Variants in CALN1 observed in about 807,000 individuals in gnomAD.
CALN1 encodes the protein calneuron 1.
A neutral mutation model predicts 30.6 loss-of-function variants in CALN1; 17 were observed. The observed-to-expected ratio is 0.56, with a 90% confidence interval of 0.38 to 0.83. The LOEUF is 0.83. Among genes scored for constraint, CALN1 ranks in the 40% least tolerant of loss-of-function variants. The pLI is 0.00. For synonymous variants in CALN1, 156 were observed against 131.4 expected, an observed-to-expected ratio of 1.19 and a Z score of -1.28; for missense variants, 291 against 354.9, an observed-to-expected ratio of 0.82 and a Z score of 1.45.
chr7:72,073,672 CTCCCT>C (rs1278740522), intron 4 of CALN1, among the ~76,000 whole-genome samples: 2 of 151,044 alleles, frequency 1.3e-5, no homozygotes, highest in Non-Finnish European at 2.9e-5. Context: ...CTCCCCTCCC[CTCCCT>C]TCTCCTCTCC....
intron 2 of CALN1, among the ~76,000 whole-genome samples, chr7:72,299,159 TG>T (rs1303796614): frequency 6.6e-6 from 1 of 152,150 alleles, no homozygotes; most frequent in Non-Finnish European, 1.5e-5. Context: ...AAGGCGGCAG[TG>T]TCATTCTCTA....
At chr7:72,339,999 T>TC (rs1166572339) in intron 2 of CALN1, among the ~76,000 whole-genome samples, 1 of 151,872 alleles carries the variant, frequency 6.6e-6, no homozygotes, top group Non-Finnish European at 1.5e-5. Flanking sequence ...CATCTTAGTG[T>TC]CCTTCAGTTG....
intron 3 of CALN1, among the ~76,000 whole-genome samples, chr7:72,257,115 A>T (rs992173016): frequency 6.6e-6 from 1 of 152,226 alleles, no homozygotes; most frequent in Non-Finnish European, 1.5e-5. Flanking sequence ...GGCACATCTT[A>T]CATGGCGGCA....
chr7:72,430,517 C>T (rs1807940428), intron 1 of CALN1, among the ~76,000 whole-genome samples: 1 of 152,042 alleles, frequency 6.6e-6, no homozygotes, highest in African/African-American at 2.4e-5. Context: ...CTACCAGGGT[C>T]AACACTTGGG....
chr7:72,168,483 C>G (rs1448126993), intron 3 of CALN1, among the ~76,000 whole-genome samples: 1 of 152,114 alleles, frequency 6.6e-6, no homozygotes, highest in Non-Finnish European at 1.5e-5. Context: ...AAATGTGGAT[C>G]TTTTAAAATG....
At chr7:72,014,552 T>C (rs1800272129) in intron 5 of CALN1, among the ~76,000 whole-genome samples, 2 of 152,382 alleles carry the variant, frequency 1.3e-5, no homozygotes, top group South Asian at 4.1e-4. Context: ...ATCAGTTGTC[T>C]ATTGCTCTTT....
chr7:72,475,054 A>G, the CALN1 span, among the ~76,000 whole-genome samples: 7 of 152,188 alleles, frequency 4.6e-5, no homozygotes, highest in Admixed American at 2.0e-4. Context: ...ATTCTTCCCA[A>G]TGACTGGGTT....
chr7:71,991,795 G>A (rs1440181931), intron 5 of CALN1, among the ~76,000 whole-genome samples: 1 of 152,232 alleles, frequency 6.6e-6, no homozygotes, highest in Non-Finnish European at 1.5e-5. Flanking sequence ...ATGGCCAGAA[G>A]CCACTCACTT....
At chr7:72,416,734 C>CAAAAAAAAAAAAAAA (rs4029798), upstream of CALN1, among the ~76,000 whole-genome samples, 1 of 77,690 alleles carries the variant, frequency 1.3e-5, no homozygotes, top group Non-Finnish European at 2.2e-5. Context: ...GACTCTGTCT[C>CAAAAAAAAAAAAAAA]AAAAAAAAAA....
intron 2 of CALN1, among the ~76,000 whole-genome samples, chr7:72,387,141 A>G (rs1475711186): frequency 6.8e-6 from 1 of 148,072 alleles, no homozygotes; most frequent in African/African-American, 2.5e-5. Flanking sequence ...AAAGTATAAA[A>G]TAAGTATCCA....
chr7:72,103,565 C>T (rs1419886979), intron 4 of CALN1, among the ~76,000 whole-genome samples: 2 of 152,088 alleles, frequency 1.3e-5, no homozygotes, highest in African/African-American at 4.8e-5. Context: ...GAGATGTTAA[C>T]CAACTTGGGA....
In CALN1 at chr7:72,386,537, T is replaced by C. The variant is rs913171992; in HGVS notation, c.119+16714A>G. 6.6e-5 allele frequency among the ~76,000 whole-genome samples: 10 copies of C among 152,210 alleles called. No individual in the cohort carries two copies. The South Asian group carries it at 1.0e-3, about 16-fold the overall frequency. ...TAAATGGTGGATGGTAGGAGCCAGA[T>C]TGCAGTACTGAAGTGGGGGTTTCCA... On this transcript the variant is annotated intron_variant, in intron 2 of 6. Coordinates refer to ENST00000395275, the MANE Select transcript of CALN1 (RefSeq NM_031468.4).
intron 2 of CALN1, among the ~76,000 whole-genome samples, chr7:72,302,893 CAAAAAA>C (rs71069055): frequency 8.2e-5 from 4 of 48,756 alleles, no homozygotes; most frequent in Non-Finnish European, 1.5e-4. Context: ...GTGAGGGTCT[CAAAAAA>C]AAAAAAAAAA....
rs556108015 is a variant in CALN1 at position 71,874,211 on chromosome 7, G to T, written c.502-63719C>A. Reference sequence around the variant, plus strand: ...AATCGCTAGAACTTGGGAGGTAGAGGTTGCAGTGAGCTGAGATCTCACCAC... The same window carrying T: ...AATCGCTAGAACTTGGGAGGTAGAGTTTGCAGTGAGCTGAGATCTCACCAC... On this transcript the variant is annotated intron_variant, in intron 5 of 6. Transcript: ENST00000395275. Among the ~76,000 whole-genome samples the T allele has an allele frequency of 2.0e-5, 3 of 149,366 alleles. No homozygotes were observed. In the South Asian group the frequency reaches 6.3e-4, roughly 32 times the overall value.
At chr7:71,964,797 G>T (rs1000227589) in intron 5 of CALN1, among the ~76,000 whole-genome samples, 2 of 152,100 alleles carry the variant, frequency 1.3e-5, no homozygotes, top group Admixed American at 1.3e-4. Flanking sequence ...ATAAGTCTGG[G>T]CTTTGCAAGA....
the CALN1 span, among the ~76,000 whole-genome samples, chr7:72,455,176 C>T: frequency 2.6e-5 from 4 of 151,892 alleles, no homozygotes; most frequent in South Asian, 8.3e-4. Flanking sequence ...GTGGAGTGCA[C>T]CTGTAGTCTC....
Position 71,844,945 on chromosome 7 carries a change from C to A in CALN1, c.502-34453G>T, listed in dbSNP as rs527426683. On this transcript the variant is annotated intron_variant, in intron 5 of 6. Transcript: ENST00000395275. ...TGCTCTGTTGCCCAGGCTGGAGTAC[C>A]GTGGCATGATCTTGGCTCACTGCAA... Among the ~76,000 whole-genome samples the A allele has an allele frequency of 1.8e-4, 28 of 152,036 alleles. No individual in the cohort carries two copies. In the South Asian group the frequency reaches 5.4e-3, roughly 29 times the overall value.
intron 3 of CALN1, among the ~76,000 whole-genome samples, chr7:72,155,082 T>G (rs1023028588): frequency 5.3e-5 from 8 of 151,914 alleles, no homozygotes; most frequent in African/African-American, 1.9e-4. Flanking sequence ...AATTAATTAA[T>G]TTTTAAAAAG....
At chr7:71,821,290 TATC>T (rs2116320000) in intron 5 of CALN1, among the ~76,000 whole-genome samples, 2 of 152,286 alleles carry the variant, frequency 1.3e-5, no homozygotes, top group East Asian at 3.9e-4. Context: ...GTGTGACTTT[TATC>T]TTCATATTAA....
Sources: gnomAD v4.1 joint callset for allele counts (sites outside exome capture counted in the v4.1 genomes callset) on GRCh38, gnomAD v4.1.1 for gene constraint, MANE v1.5 for transcripts, NCBI Gene and HGNC (gene_info 2026-07-23, HGNC 2026-07-21) for gene names.